The following TPTE variants were observed in gnomAD, a reference collection of about 807,000 sequenced individuals.
TPTE encodes the protein transmembrane phosphatase with tensin homology, also known as putative tyrosine-protein phosphatase TPTE.
In TPTE, 59 loss-of-function variants were observed where a neutral mutation model predicts 84.1. That is an observed-to-expected ratio of 0.70 (90% CI 0.57 to 0.87). TPTE has a LOEUF of 0.87. TPTE is among the 40% of genes least tolerant of loss of function. TPTE has a pLI of 0.00. For missense variants in TPTE, 382 were observed against 659.6 expected, an observed-to-expected ratio of 0.58 and a Z score of 4.61; for synonymous variants, 130 against 223.5, an observed-to-expected ratio of 0.58 and a Z score of 3.73.
intron 9 of TPTE, 38 bp from the exon 10 acceptor site, chr21:10,560,992 T>C (rs765674645): frequency 1.8e-5 from 28 of 1,588,250 alleles, no homozygotes; most frequent in South Asian, 1.6e-4. Context: ...CCTTTATCTT[T>C]GCATTTATTT....
chr21:10,593,449 A>T (rs1343047521), intron 19 of TPTE, among the ~76,000 whole-genome samples: 15 of 152,396 alleles, frequency 9.8e-5, no homozygotes, highest in Non-Finnish European at 1.9e-4. Flanking sequence ...GTGTCTCCTA[A>T]GTCTCTTTTA....
chr21:10,594,319 C>T (rs1464079775), intron 19 of TPTE, among the ~76,000 whole-genome samples: 3 of 152,414 alleles, frequency 2.0e-5, no homozygotes, highest in African/African-American at 7.2e-5. Flanking sequence ...TTCTTAGAGC[C>T]CTTTGTGTTT....
At chr21:10,596,809 T>C (rs2075597620) in intron 20 of TPTE, among the ~76,000 whole-genome samples, 1 of 152,312 alleles carries the variant, frequency 6.6e-6, no homozygotes, top group Admixed American at 6.5e-5. Context: ...ACAGACAGCC[T>C]AGTATTTTTA....
At chr21:10,584,879 A>AGTGTGTGTGTGTGT (rs56198162) in intron 17 of TPTE, among the ~76,000 whole-genome samples, 221 of 148,736 alleles carry the variant, frequency 1.5e-3, no homozygotes, top group African/African-American at 4.7e-3. Flanking sequence ...ATGCTTTACG[A>AGTGTGTGTGTGTGT]GTGTGTGTGT....
At chr21:10,526,443 A>G (rs968888325) in intron 2 of TPTE, among the ~76,000 whole-genome samples, 4 of 152,306 alleles carry the variant, frequency 2.6e-5, no homozygotes, top group Non-Finnish European at 5.9e-5. Flanking sequence ...TGTTTCCAAA[A>G]TGTGTTTCTC....
chr21:10,528,908 T>G (rs1230575376), intron 3 of TPTE, among the ~76,000 whole-genome samples: 1 of 152,306 alleles, frequency 6.6e-6, no homozygotes, highest in Non-Finnish European at 1.5e-5. Context: ...GTTTTCTGGC[T>G]GGGCATGGTG....
intron 23 of TPTE, 149 bp downstream of exon 23, chr21:10,603,781 C>G: frequency 9.4e-7 from 1 of 1,068,434 alleles, no homozygotes; most frequent in African/African-American, 1.6e-5. Context: ...CCTTACTCTT[C>G]TTACTTTGGT....
chr21:10,601,503 A>C, intron 21 of TPTE, among the ~76,000 whole-genome samples: 1 of 152,404 alleles, frequency 6.6e-6, no homozygotes, highest in South Asian at 2.1e-4. Flanking sequence ...TCTCAAACAA[A>C]AAAAAAAGAA....
At chr21:10,560,123 T>A (rs2074766397) in intron 9 of TPTE, among the ~76,000 whole-genome samples, 1 of 152,426 alleles carries the variant, frequency 6.6e-6, no homozygotes, top group South Asian at 2.1e-4. Flanking sequence ...AGATTAATTG[T>A]AATATATTAA....
At chr21:10,562,362 T>C (rs867457701) in intron 10 of TPTE, among the ~76,000 whole-genome samples, 2,932 of 151,024 alleles carry the variant, frequency 0.019, no homozygotes, top group African/African-American at 0.069. Flanking sequence ...AAAGAACATC[T>C]GCTAGCATCA....
At chr21:10,601,859 A>G (rs575555283) in intron 21 of TPTE, among the ~76,000 whole-genome samples, 199 bp from the exon 22 acceptor site, 2 of 152,424 alleles carry the variant, frequency 1.3e-5, no homozygotes, top group African/African-American at 2.4e-5. Flanking sequence ...TCAGAAAACA[A>G]AAAGCAAATG....
At chr21:10,530,027 C>G (rs1487719835) in intron 3 of TPTE, among the ~76,000 whole-genome samples, 1 of 152,414 alleles carries the variant, frequency 6.6e-6, no homozygotes, top group East Asian at 1.9e-4. Context: ...TAAATTCTTA[C>G]ATTATTTCAA....
chr21:10,533,026 A>G (rs1420107659), intron 3 of TPTE, among the ~76,000 whole-genome samples: 2 of 152,304 alleles, frequency 1.3e-5, no homozygotes, highest in African/African-American at 2.4e-5. Flanking sequence ...TTATCATCAT[A>G]AATTTTCACA....
intron 10 of TPTE, among the ~76,000 whole-genome samples, chr21:10,564,748 A>C (rs1185693396): frequency 6.6e-6 from 1 of 152,308 alleles, no homozygotes; most frequent in Non-Finnish European, 1.5e-5. Flanking sequence ...AAGGATAAAA[A>C]CCATAAGATC....
intron 7 of TPTE, among the ~76,000 whole-genome samples, chr21:10,546,501 G>A: frequency 1.3e-5 from 2 of 152,426 alleles, no homozygotes; most frequent in East Asian, 3.9e-4. Context: ...AGAAATGATT[G>A]TGAGGAAGGC....
intron 10 of TPTE, among the ~76,000 whole-genome samples, chr21:10,565,710 T>TA (rs1223147930): frequency 6.6e-6 from 1 of 152,288 alleles, no homozygotes; most frequent in Non-Finnish European, 1.5e-5. Context: ...CACACACACT[T>TA]ACAGTGAACT....
intron 8 of TPTE, among the ~76,000 whole-genome samples, chr21:10,558,244 G>T (rs1183114298): frequency 6.6e-6 from 1 of 152,308 alleles, no homozygotes; most frequent in Admixed American, 6.5e-5. Context: ...ATAGTAGAAT[G>T]ATTTATATTC....
At chr21:10,552,268 T>G (rs1600889162) in intron 7 of TPTE, among the ~76,000 whole-genome samples, 1 of 152,426 alleles carries the variant, frequency 6.6e-6, no homozygotes, top group South Asian at 2.1e-4. Context: ...TTGTGTGAGT[T>G]GCTTAATGCA....
intron 10 of TPTE, among the ~76,000 whole-genome samples, chr21:10,561,656 A>G (rs2074807503): frequency 6.6e-6 from 1 of 152,302 alleles, no homozygotes; most frequent in South Asian, 2.1e-4. Context: ...CTGCCTTTGG[A>G]CAGGGGTGGA....
Sources: allele counts gnomAD v4.1 joint callset (sites outside exome capture counted in the v4.1 genomes callset), GRCh38; gene constraint gnomAD v4.1.1; transcripts MANE v1.5; gene names NCBI Gene and HGNC (gene_info 2026-07-23, HGNC 2026-07-21).